The following NT5DC2 variants were observed in gnomAD, a reference collection of about 807,000 sequenced individuals.
The protein encoded by NT5DC2 is 5'-nucleotidase domain containing 2.
Under a neutral mutation model 70.0 loss-of-function variants are expected in NT5DC2, and 41 were observed. That is an observed-to-expected ratio of 0.59 (90% CI 0.46 to 0.76). The LOEUF (loss-of-function observed/expected upper bound fraction) is 0.76, where lower values mean the gene tolerates loss of function less well. Ranked by LOEUF, NT5DC2 falls within the 30% of genes least tolerant of loss-of-function variation. The pLI is 0.00. For synonymous variants in NT5DC2, 299 were observed against 310.4 expected (o/e 0.96, Z 0.39); for missense variants, 705 against 783.2 (o/e 0.90, Z 1.19).
At chr3:52,534,838 T>C (rs1018146091), upstream of NT5DC2, 2 of 676,702 alleles carry the variant, frequency 3.0e-6, no homozygotes, top group Non-Finnish European at 4.9e-6. Flanking sequence ...TGAACCTTGA[T>C]TGAAGACCTA....
Position 52,529,140 on chromosome 3 carries a change from C to A in NT5DC2, c.417+10G>T, listed in dbSNP as rs899604138. On this transcript the variant is annotated intron_variant, in intron 2 of 13. Transcript: ENST00000422318. The surrounding 1 kb of genome is among the most constrained non-coding windows in gnomAD (Gnocchi z 4.1). ...CCTGGGTTTGTTGGTGGCAAGGACC[C>A]CCGTCTCACCTTGTAGTGCTCGATC... 1 of 1,613,966 alleles carries A rather than the reference C, an allele frequency of 6.2e-7. No homozygotes were observed. The highest frequency in any genetic ancestry group is 1.1e-5 in the South Asian group (1 of 91,074).
rs2079393407 is a variant in NT5DC2, at chr3:52,533,771, C to T, written c.-34G>A. 1.0e-6 allele frequency: 1 copy of T among 966,786 alleles called. No homozygotes were observed. Among genetic ancestry groups the T allele is most frequent in the African/African-American group, 1.9e-5 (1 of 53,452 alleles). 59.9% of individuals were successfully genotyped at this position (966,786 alleles called of 1,614,324 possible). A position where few individuals can be genotyped will look rare whatever the true frequency, so the allele number is the denominator to read the frequency against. On this transcript the variant is annotated 5_prime_UTR_variant, in exon 1 of 14. Coordinates refer to ENST00000422318, the MANE Select transcript of NT5DC2 (RefSeq NM_001134231.2). ...CGCGCCGCCCGCCGCCCGCGCTGCC[C>T]TCGGCCAGCCCGCCGCCCGCCGCCC...
In NT5DC2 at chr3:52,528,206, C is replaced by T. The variant is rs754372952; in HGVS notation, c.748G>A (p.Ala250Thr). The T allele has an allele frequency of 1.9e-6, 3 of 1,613,186 alleles. No individual in the cohort carries two copies. The highest frequency in any genetic ancestry group is 2.2e-5 in the East Asian group (1 of 44,900). Residue 250 changes from alanine (A) to threonine (T), a missense_variant, in exon 6 of 14, where the codon GCA becomes ACA. Physicochemically the swap from Ala to Thr is moderately conservative, Grantham distance 58. Coordinates refer to ENST00000422318, the MANE Select transcript of NT5DC2 (RefSeq NM_001134231.2). Reference protein sequence around the residue: ...FLGHSLEFDQAHLYKDVTDAI... With the variant: ...FLGHSLEFDQTHLYKDVTDAI... ...ACCGTCACGTCCTTGTAGAGATGTG[C>T]TTGGTCAAACTCCAGGCTGTGGCCC... is the stretch of plus-strand genomic sequence containing the variant.
rs747577506 is a variant in NT5DC2 at position 52,529,099 on chromosome 3, T to C, written c.417+51A>G. On this transcript the variant is annotated intron_variant, in intron 2 of 13. Coordinates refer to ENST00000422318, the MANE Select transcript of NT5DC2 (RefSeq NM_001134231.2). The surrounding 1 kb of genome is among the most constrained non-coding windows in gnomAD (Gnocchi z 4.1). ...CCCTGAGCTTAGGCCAAGGTGGGTC[T>C]GGCCAGCCTCCAAGCCCTGGGTTTG... The C allele has an allele frequency of 1.9e-6, 3 of 1,610,746 alleles. No homozygotes were observed. The highest frequency in any genetic ancestry group is 1.1e-5 in the South Asian group (1 of 90,900).
intron 1 of NT5DC2, among the ~76,000 whole-genome samples, chr3:52,530,791 G>A (rs1017234108): frequency 6.6e-6 from 1 of 152,222 alleles, no homozygotes; most frequent in South Asian, 2.1e-4. Context: ...CTCTGCACCT[G>A]CACATATGCA....
intron 10 of NT5DC2, 56 bp downstream of exon 10, chr3:52,527,238 G>T (rs1275740753): frequency 1.2e-5 from 19 of 1,529,196 alleles, no homozygotes; most frequent in Non-Finnish European, 1.7e-5. Context: ...ACAGCCTGGG[G>T]CCCTAGCTAG....
At chr3:52,525,162 G>GA (rs2079236344) in intron 11 of NT5DC2, 47 bp downstream of exon 11, 1 of 1,062,554 alleles carries the variant, frequency 9.4e-7, no homozygotes, top group African/African-American at 1.7e-5. Flanking sequence ...GGGGGGGGGG[G>GA]GGTTTCCTGG....
chr3:52,526,799 A>G (rs1186477772), intron 10 of NT5DC2, among the ~76,000 whole-genome samples: 2 of 152,182 alleles, frequency 1.3e-5, no homozygotes, highest in Non-Finnish European at 2.9e-5. Context: ...AGCTGGGACC[A>G]CAGGTGCATG....
At chr3:52,527,494 G>A (rs937657113) in intron 9 of NT5DC2, 119 bp from the exon 10 acceptor site, 9 of 1,452,446 alleles carry the variant, frequency 6.2e-6, no homozygotes, top group East Asian at 2.3e-5. Context: ...GCAAGGGGGT[G>A]TTCTCACCCC....
chr3:52,533,751 C>CGCCCGCCGCCCGCGCTGCCCTCGGCCA lies in NT5DC2; in HGVS notation c.-41_-15dup, dbSNP rs1239498108. 43 of 963,966 alleles carry CGCCCGCCGCCCGCGCTGCCCTCGGCCA rather than the reference C, an allele frequency of 4.5e-5. No individual in the cohort carries two copies. Among genetic ancestry groups the CGCCCGCCGCCCGCGCTGCCCTCGGCCA allele is most frequent in the Non-Finnish European group, 4.8e-5 (39 of 816,232 alleles). 59.7% of individuals were successfully genotyped at this position (963,966 alleles called of 1,614,324 possible). A position where few individuals can be genotyped will look rare whatever the true frequency, so the allele number is the denominator to read the frequency against. On this transcript the variant is annotated 5_prime_UTR_variant, in exon 1 of 14. Coordinates refer to ENST00000422318, the MANE Select transcript of NT5DC2 (RefSeq NM_001134231.2). ...CGCACCCGCCATGCCCACCGCGCGC[C>CGCCCGCCGCCCGCGCTGCCCTCGGCCA]GCCCGCCGCCCGCGCTGCCCTCGGC...
At position 52,528,621 on chromosome 3, in the gene NT5DC2, G is replaced by A; in HGVS notation, c.548+16C>T. 1.3e-6 allele frequency: 2 copies of A among 1,574,472 alleles called. No homozygotes were observed. The highest frequency in any genetic ancestry group is 2.3e-5 in the South Asian group (2 of 86,380). ...TAGGGTGGGGCGGGGGTGGGGTTGG[G>A]GCAGAGCCGACTGACCTGTAGGCTG... On this transcript the variant is annotated intron_variant, in intron 4 of 13. Transcript: ENST00000422318.
chr3:52,529,383 C>T lies in NT5DC2; in HGVS notation c.233-49G>A, dbSNP rs766939512. 6.4e-7 allele frequency: 1 copy of T among 1,571,342 alleles called. No individual in the cohort carries two copies. The highest frequency in any genetic ancestry group is 8.7e-7 in the Non-Finnish European group (1 of 1,149,322). Reference sequence around the variant, plus strand: ...GCAGTGATGGGGATGATGATCCCTGCAGCAGCTATGGCTCCTGAGCACTCT... The same window carrying T: ...GCAGTGATGGGGATGATGATCCCTGTAGCAGCTATGGCTCCTGAGCACTCT... On this transcript the variant is annotated intron_variant, in intron 1 of 13. Transcript: ENST00000422318. The surrounding 1 kb of genome is among the most constrained non-coding windows in gnomAD (Gnocchi z 4.1).
chr3:52,529,128 G>A lies in NT5DC2; in HGVS notation c.417+22C>T. 1 of 1,613,694 alleles carries A rather than the reference G, an allele frequency of 6.2e-7. No individual in the cohort carries two copies. Among genetic ancestry groups the A allele is most frequent in the Non-Finnish European group, 8.5e-7 (1 of 1,179,690 alleles). On this transcript the variant is annotated intron_variant, in intron 2 of 13. Transcript: ENST00000422318. This position sits in a 1 kb window ranked among gnomAD's most constrained non-coding sequence, Gnocchi z 4.1. ...CAGCCTCCAAGCCCTGGGTTTGTTG[G>A]TGGCAAGGACCCCCGTCTCACCTTG...
chr3:52,533,976 G>A, upstream of NT5DC2: 1 of 367,386 alleles, frequency 2.7e-6, no homozygotes, highest in Non-Finnish European at 3.8e-6. Flanking sequence ...CCCTCCCCCA[G>A]CCAGTCTCCG....
chr3:52,525,264 T>G lies in NT5DC2; in HGVS notation c.1151A>C (p.Glu384Ala). 6.2e-7 allele frequency: 1 copy of G among 1,612,802 alleles called. No homozygotes were observed. Among genetic ancestry groups the G allele is most frequent in the Non-Finnish European group, 8.5e-7 (1 of 1,179,932 alleles). ...GNLFDFLRLT[E>A]WRGPRVLYFG... ...GTAGAGCACGCGGGGGCCACGCCAT[T>G]CCGTCAAGCGTAAGAAGTCAAACAG... The change falls in exon 11 of 14, where the codon GAA (glutamate) becomes GCA (alanine). Residue 384 changes from glutamate (E) to alanine (A), a missense_variant. Physicochemically the swap from Glu to Ala is moderately radical, Grantham distance 107 (BLOSUM62 -1). Coordinates refer to ENST00000422318, the MANE Select transcript of NT5DC2 (RefSeq NM_001134231.2).
In NT5DC2 at chr3:52,533,663, G is replaced by A. The variant is rs1450159716; in HGVS notation, c.75C>T (p.Ala25=). ...ACCCAGGGCAGGAGGGCGAGGACGAGGCGGCTCGCGGCCCGCCGTGGCCTC... is the reference window on the plus strand; with the variant it reads ...ACCCAGGGCAGGAGGGCGAGGACGAAGCGGCTCGCGGCCCGCCGTGGCCTC... ...LCGGHGGPRA[A]SSSPSCPGCG... The change falls in exon 1 of 14, where the codon GCC becomes GCT. Residue 25 remains alanine, a synonymous_variant. Coordinates refer to ENST00000422318, the MANE Select transcript of NT5DC2 (RefSeq NM_001134231.2). The A allele has an allele frequency of 8.7e-7, 1 of 1,148,742 alleles. No individual in the cohort carries two copies. The allele number at this position is 1,148,742 out of a possible 1,614,324, so 71.2% of individuals were successfully genotyped here.
intron 10 of NT5DC2, 77 bp from the exon 11 acceptor site, chr3:52,525,372 G>A (rs1413613576): frequency 8.4e-7 from 1 of 1,185,210 alleles, no homozygotes; most frequent in East Asian, 2.5e-5. Context: ...ATCCCCAGAG[G>A]CAGCCCAAAT....
Position 52,529,234 on chromosome 3 carries a change from G to A in NT5DC2, c.333C>T (p.Tyr111=), listed in dbSNP as rs377246416. 4.3e-5 allele frequency: 70 copies of A among 1,613,958 alleles called. No homozygotes were observed. Among genetic ancestry groups the A allele is most frequent in the African/African-American group, 6.7e-5 (5 of 74,898 alleles). ...LRDVEVYGFD[Y]DYTLAQYADA... is the part of the protein sequence containing the mutation. ...CTGCATACTGGGCCAGGGTGTAGTC[G>A]TAGTCAAAGCCGTAGACCTCAACGT... The change falls in exon 2 of 14, where the codon TAC becomes TAT. Residue 111 remains tyrosine (Y), a synonymous_variant. Transcript: ENST00000422318. The surrounding 1 kb of genome is among the most constrained non-coding windows in gnomAD (Gnocchi z 4.1).
Position 52,533,670 on chromosome 3 carries a change from C to T in NT5DC2, c.68G>A (p.Arg23Gln), listed in dbSNP as rs995639375. 1.9e-5 allele frequency: 22 copies of T among 1,130,848 alleles called. No individual in the cohort carries two copies. Among genetic ancestry groups the T allele is most frequent in the Non-Finnish European group, 2.3e-5 (21 of 924,166 alleles). The allele number at this position is 1,130,848 out of a possible 1,614,324, so 70.1% of individuals were successfully genotyped here. Residue 23 changes from arginine to glutamine, a missense_variant, in exon 1 of 14, where the codon CGA (arginine) becomes CAA (glutamine). Transcript: ENST00000422318. Reference sequence around the variant, plus strand: ...GCAGGAGGGCGAGGACGAGGCGGCTCGCGGCCCGCCGTGGCCTCCGCACAG... The same window carrying T: ...GCAGGAGGGCGAGGACGAGGCGGCTTGCGGCCCGCCGTGGCCTCCGCACAG... Reference protein sequence around the residue: ...WLLCGGHGGPRAASSSPSCPG... With the variant: ...WLLCGGHGGPQAASSSPSCPG...
Sources: allele counts gnomAD v4.1 joint callset (sites outside exome capture counted in the v4.1 genomes callset), GRCh38; gene constraint gnomAD v4.1.1; non-coding constraint Gnocchi (gnomAD v3.1); transcripts MANE v1.5; gene names NCBI Gene and HGNC (gene_info 2026-07-23, HGNC 2026-07-21).